Variants in RNF130 observed in about 807,000 individuals in gnomAD.
RNF130 encodes E3 ubiquitin-protein ligase RNF130.
A neutral mutation model predicts 44.6 loss-of-function variants in RNF130; 21 were observed. That is an observed-to-expected ratio of 0.47 (90% CI 0.33 to 0.68). RNF130 has a LOEUF of 0.68. Among genes scored for constraint, RNF130 ranks in the 30% least tolerant of loss-of-function variants. The pLI, the probability that RNF130 is intolerant of heterozygous loss-of-function variation, is 0.02. For synonymous variants in RNF130, 214 were observed against 210.4 expected, an observed-to-expected ratio of 1.02 and a Z score of -0.15; for missense variants, 479 against 560.6, an observed-to-expected ratio of 0.85 and a Z score of 1.47.
chr5:179,951,634 A>G (rs983679257), downstream of RNF130, among the ~76,000 whole-genome samples: 58 of 152,314 alleles, frequency 3.8e-4, no homozygotes, highest in African/African-American at 1.2e-3. Flanking sequence ...TTAAGTGCAC[A>G]TGGAACATTC....
intron 1 of RNF130, among the ~76,000 whole-genome samples, chr5:180,061,068 CA>C (rs57744473): frequency 1.4e-3 from 76 of 53,590 alleles, no homozygotes; most frequent in Admixed American, 5.5e-3. Flanking sequence ...GACTCCGTCT[CA>C]AAAAAAAAAA....
At chr5:180,048,355 T>C (rs1764616935) in intron 1 of RNF130, among the ~76,000 whole-genome samples, 1 of 152,188 alleles carries the variant, frequency 6.6e-6, no homozygotes, top group Non-Finnish European at 1.5e-5. Flanking sequence ...GCCCTGCTTC[T>C]AGGCTAGAGG....
At chr5:180,048,388 C>T (rs1764617811) in intron 1 of RNF130, among the ~76,000 whole-genome samples, 1 of 152,158 alleles carries the variant, frequency 6.6e-6, no homozygotes, top group African/African-American at 2.4e-5. Context: ...TCAAAGGCTA[C>T]AGGATTAACC....
At chr5:179,931,526 T>C (rs1160252464) in intron 7 of RNF130, among the ~76,000 whole-genome samples, 2 of 151,974 alleles carry the variant, frequency 1.3e-5, no homozygotes, top group South Asian at 2.1e-4. Context: ...CCCAGCACTT[T>C]GGGGGGCCGA....
intron 1 of RNF130, among the ~76,000 whole-genome samples, chr5:180,044,926 T>C (rs936341271): frequency 3.9e-5 from 6 of 152,088 alleles, no homozygotes; most frequent in African/African-American, 7.2e-5. Flanking sequence ...CGAAGTGCAC[T>C]TAAGAGACTG....
intron 7 of RNF130, among the ~76,000 whole-genome samples, chr5:179,932,321 A>G (rs151190543): frequency 0.019 from 2,949 of 152,114 alleles, 104 homozygotes; most frequent in African/African-American, 0.066. Flanking sequence ...GCAGTGGTGC[A>G]ATCTCAGCTC....
chr5:179,911,976 GAATTA>G (rs983612617), exon 8 of RNF130: 2 of 152,142 alleles, frequency 1.3e-5, no homozygotes, highest in East Asian at 1.9e-4. Context: ...GCTATCCAAT[GAATTA>G]AATTAAAATT....
intron 5 of RNF130, among the ~76,000 whole-genome samples, chr5:179,973,380 A>G (rs1386273251): frequency 6.6e-6 from 1 of 152,164 alleles, no homozygotes; most frequent in Non-Finnish European, 1.5e-5. Flanking sequence ...TCTTCAGTGC[A>G]ACTTTCACTG....
chr5:180,010,508 T>C (rs1397620295), intron 3 of RNF130, among the ~76,000 whole-genome samples: 2 of 152,020 alleles, frequency 1.3e-5, no homozygotes, highest in Non-Finnish European at 2.9e-5. Context: ...TACAGGCGCA[T>C]GGCACCTTGC....
chr5:179,949,460 A>T (rs780112885), intron 7 of RNF130, among the ~76,000 whole-genome samples: 2 of 151,778 alleles, frequency 1.3e-5, no homozygotes, highest in African/African-American at 4.8e-5. Context: ...GGGTCTTGCT[A>T]TGTTGCCCAG....
chr5:179,976,761 C>T (rs1409956255), intron 5 of RNF130: 1 of 151,338 alleles, frequency 6.6e-6, no homozygotes, highest in African/African-American at 2.4e-5. Context: ...AAAATAAGAC[C>T]AGTAGCCTCA....
chr5:179,978,625 G>A (rs1363492492), intron 4 of RNF130, among the ~76,000 whole-genome samples: 2 of 152,186 alleles, frequency 1.3e-5, no homozygotes. Flanking sequence ...TTATTGGTCT[G>A]AAGAGGTTTC....
chr5:179,970,844 A>G (rs1762564198), intron 5 of RNF130, among the ~76,000 whole-genome samples: 1 of 152,226 alleles, frequency 6.6e-6, no homozygotes, highest in South Asian at 2.1e-4. Context: ...GCTTTCTACA[A>G]TAGCTAACAT....
chr5:179,984,930 T>C (rs1326774728), intron 3 of RNF130, among the ~76,000 whole-genome samples: 4 of 152,168 alleles, frequency 2.6e-5, no homozygotes, highest in Non-Finnish European at 4.4e-5. Context: ...GTAAGTATAA[T>C]GCAAATATTC....
rs73810492 is a variant in RNF130, at chr5:179,977,227, C to T, written c.848+976G>A. The T allele has an allele frequency of 6.6e-6, 1 of 152,302 alleles. No homozygotes were observed. Among genetic ancestry groups the T allele is most frequent in the Admixed American group, 6.5e-5 (1 of 15,290 alleles). The allele number at this position is 152,302 out of a possible 1,614,324, so 9.4% of individuals were successfully genotyped here. A position where few individuals can be genotyped will look rare whatever the true frequency, so the allele number is the denominator to read the frequency against. ...GACAGTGAGTATAGTCTGCTCAGAG[C>T]AGAGCATCTGAACCACAGCAGGCAC... On this transcript the variant is annotated intron_variant, in intron 5 of 8. Coordinates refer to ENST00000521389, the MANE Select transcript of RNF130 (RefSeq NM_018434.6). The surrounding 1 kb of genome is among the most constrained non-coding windows in gnomAD (Gnocchi z 4.1).
At chr5:179,917,765 G>GCCGA (rs1249338505) in exon 8 of RNF130, 1 of 152,248 alleles carries the variant, frequency 6.6e-6, no homozygotes, top group Non-Finnish European at 1.5e-5. Flanking sequence ...ACTTTGGGAG[G>GCCGA]CCGAGGTGGG....
At position 179,920,779 on chromosome 5, in the gene RNF130, T is replaced by TTATA. The variant is rs5873672; in HGVS notation, c.1151-357_1151-354dup. On this transcript the variant is annotated intron_variant, in intron 7 of 7. Coordinates refer to the RNF130 transcript ENST00000522208. ...AGCCCTCTCATCTGGGCATATATAT[T>TTATA]TATATATATATATATATTTTTTTTT... Among the ~76,000 whole-genome samples the TTATA allele has an allele frequency of 5.4e-3, 741 of 137,956 alleles. 4 individuals carry two copies. Among genetic ancestry groups the TTATA allele is most frequent in the Middle Eastern group, 0.022 (6 of 270 alleles). The allele number at this position is 137,956 out of a possible 152,430, so 90.5% of individuals were successfully genotyped here. A position where few individuals can be genotyped will look rare whatever the true frequency, so the allele number is the denominator to read the frequency against.
At chr5:179,984,459 G>T (rs1385089471) in intron 3 of RNF130, among the ~76,000 whole-genome samples, 1 of 152,112 alleles carries the variant, frequency 6.6e-6, no homozygotes, top group Non-Finnish European at 1.5e-5. Flanking sequence ...TAAAAATCAG[G>T]AATCGATGTT....
At chr5:179,974,275 C>T (rs780896362) in intron 5 of RNF130, among the ~76,000 whole-genome samples, 6 of 152,184 alleles carry the variant, frequency 3.9e-5, no homozygotes, top group Admixed American at 6.5e-5. Context: ...TGGAAACATA[C>T]GTTCATCCAC....
Sources: gnomAD v4.1 joint callset for allele counts (sites outside exome capture counted in the v4.1 genomes callset) on GRCh38, gnomAD v4.1.1 for gene constraint, Gnocchi (gnomAD v3.1) non-coding constraint, MANE v1.5 for transcripts, NCBI Gene and HGNC (gene_info 2026-07-23, HGNC 2026-07-21) for gene names.